Variants in PDS5B observed in about 807,000 individuals in gnomAD.
PDS5B encodes PDS5 cohesin associated factor B.
A neutral mutation model predicts 184.1 loss-of-function variants in PDS5B; 51 were observed. The ratio of observed to expected loss-of-function variants is 0.28; its 90% CI spans 0.22 to 0.35. PDS5B has a LOEUF of 0.35. Ranked by LOEUF, PDS5B falls within the 10% of genes least tolerant of loss-of-function variation. PDS5B has a pLI of 1.00. For synonymous variants in PDS5B, 566 were observed against 569.2 expected (o/e 0.99, Z 0.08); for missense variants, 1,180 against 1,723.3 (o/e 0.68, Z 5.58).
intron 1 of PDS5B, among the ~76,000 whole-genome samples, chr13:32,625,400 C>G (rs1202717056): frequency 1.3e-5 from 2 of 152,076 alleles, no homozygotes; most frequent in Admixed American, 6.5e-5. Context: ...TTTACATATA[C>G]AAATCTCTGC....
At chr13:32,604,660 C>T (rs1289183295) in intron 1 of PDS5B, among the ~76,000 whole-genome samples, 1 of 152,216 alleles carries the variant, frequency 6.6e-6, no homozygotes, top group Non-Finnish European at 1.5e-5. Context: ...ACCAGCTCCT[C>T]TTTGTACCTC....
At position 32,732,138 on chromosome 13, in the gene PDS5B, G is replaced by C; in HGVS notation, c.2161G>C (p.Gly721Arg). ...LPVLHHKSKK[G>R]PPRQAKYAIH... ...TGTTTTACATCACAAATCTAAAAAA[G>C]GACCCCCCCGTCAAGCCAAATATGC... The change falls in exon 20 of 35, where the codon GGA becomes CGA. Residue 721 changes from glycine (G) to arginine (R), a missense_variant. By Grantham distance (125) the Gly-to-Arg change is moderately radical (BLOSUM62 -2). Transcript: ENST00000315596. The C allele has an allele frequency of 6.2e-7, 1 of 1,609,278 alleles. No individual in the cohort carries two copies. Among genetic ancestry groups the C allele is most frequent in the Non-Finnish European group, 8.5e-7 (1 of 1,176,856 alleles).
rs1438016240 is a variant in PDS5B, at chr13:32,755,331, A to G, written c.2942-511A>G. 2.0e-5 allele frequency among the ~76,000 whole-genome samples: 3 copies of G among 152,182 alleles called. No homozygotes were observed. In the East Asian group the frequency reaches 5.8e-4, roughly 29 times the overall value. ...GCTGTTTCTTTATTTAAAATGCCCT[A>G]GAAACTCTTAAGTCTGTTCCTTTAT... is the stretch of plus-strand genomic sequence containing the variant. On this transcript the variant is annotated intron_variant, in intron 25 of 34. Coordinates refer to ENST00000315596, the MANE Select transcript of PDS5B (RefSeq NM_015032.4).
intron 13 of PDS5B, chr13:32,689,687 C>T (rs1445601447): frequency 1.3e-5 from 2 of 152,120 alleles, no homozygotes; most frequent in Admixed American, 1.3e-4. Flanking sequence ...TGCTTGGTTC[C>T]AAAGCTTGTT....
At position 32,758,345 on chromosome 13, in the gene PDS5B, G is replaced by T. The variant is rs528202562; in HGVS notation, c.3189+126G>T. The T allele has an allele frequency of 5.2e-6, 5 of 960,004 alleles. No individual in the cohort carries two copies. In the African/African-American group the frequency reaches 8.5e-5, roughly 16 times the overall value. The allele number at this position is 960,004 out of a possible 1,614,324, so 59.5% of individuals were successfully genotyped here. On this transcript the variant is annotated intron_variant, in intron 27 of 34. Transcript: ENST00000315596. The stretch of plus-strand genomic sequence containing the variant: ...TTTTTCTATTAGTAATTAGAATTAC[G>T]TAGAATTAGCAGTAATTTTATTACA...
At chr13:32,696,532 C>T (rs1011367564) in intron 14 of PDS5B, among the ~76,000 whole-genome samples, 1 of 151,546 alleles carries the variant, frequency 6.6e-6, no homozygotes, top group Non-Finnish European at 1.5e-5. Flanking sequence ...AGGAGTTTTC[C>T]CTGTTCTTTC....
chr13:32,686,557 GAA>G (rs766382477), intron 11 of PDS5B, among the ~76,000 whole-genome samples: 1 of 152,218 alleles, frequency 6.6e-6, no homozygotes, highest in Non-Finnish European at 1.5e-5. Context: ...GCTGAGGTGG[GAA>G]GATTGCTTGA....
intron 19 of PDS5B, among the ~76,000 whole-genome samples, chr13:32,729,799 C>G (rs985537136): frequency 2.7e-5 from 4 of 150,298 alleles, no homozygotes; most frequent in Non-Finnish European, 5.9e-5. Context: ...TTGTTTTTTT[C>G]TTGTAAATTC....
intron 33 of PDS5B, among the ~76,000 whole-genome samples, chr13:32,772,048 T>C (rs1954806903): frequency 6.6e-6 from 1 of 152,106 alleles, no homozygotes; most frequent in East Asian, 1.9e-4. Flanking sequence ...TACTAACATA[T>C]GTTAGGATTT....
chr13:32,659,120 TTG>T, intron 5 of PDS5B, 32 bp from the exon 6 acceptor site: 2 of 1,496,028 alleles, frequency 1.3e-6, no homozygotes, highest in Non-Finnish European at 1.8e-6. Context: ...TATATCTCAG[TTG>T]TAATTGAAAC....
chr13:32,672,914 C>T (rs778443718), intron 7 of PDS5B, among the ~76,000 whole-genome samples: 9 of 152,032 alleles, frequency 5.9e-5, no homozygotes, highest in Admixed American at 2.0e-4. Flanking sequence ...ATTAACCATC[C>T]AGAAATATGC....
At chr13:32,724,310 C>T (rs556003999) in intron 19 of PDS5B, among the ~76,000 whole-genome samples, 24 of 151,826 alleles carry the variant, frequency 1.6e-4, no homozygotes, top group Non-Finnish European at 3.1e-4. Context: ...GAGATGGAGT[C>T]TCTCATTATG....
intron 15 of PDS5B, among the ~76,000 whole-genome samples, chr13:32,697,384 C>T (rs1412644194): frequency 6.6e-6 from 1 of 152,136 alleles, no homozygotes; most frequent in Non-Finnish European, 1.5e-5. Context: ...TTCCTCCCAC[C>T]TCAGAGGTCA....
intron 19 of PDS5B, among the ~76,000 whole-genome samples, chr13:32,724,045 T>A (rs1185004405): frequency 1.3e-5 from 2 of 152,226 alleles, no homozygotes; most frequent in Non-Finnish European, 2.9e-5. Context: ...TGTCGTTTCA[T>A]CTGTATATCT....
chr13:32,682,134 C>G (rs754532827), intron 10 of PDS5B, among the ~76,000 whole-genome samples: 15 of 152,086 alleles, frequency 9.9e-5, no homozygotes, highest in Admixed American at 3.9e-4. Context: ...TCAGATTTAT[C>G]CATATTTTAG....
At chr13:32,641,691 A>G (rs1278430977) in intron 1 of PDS5B, among the ~76,000 whole-genome samples, 3 of 152,052 alleles carry the variant, frequency 2.0e-5, no homozygotes, top group African/African-American at 4.8e-5. Flanking sequence ...CACTATAGGT[A>G]TTTCATTAAG....
At chr13:32,710,686 C>G (rs1952177043) in intron 19 of PDS5B, among the ~76,000 whole-genome samples, 1 of 152,302 alleles carries the variant, frequency 6.6e-6, no homozygotes, top group East Asian at 1.9e-4. Context: ...ATGTATATCT[C>G]TTCTTCTAGT....
intron 7 of PDS5B, among the ~76,000 whole-genome samples, chr13:32,668,047 G>A (rs555585854): frequency 3.3e-5 from 5 of 151,992 alleles, no homozygotes; most frequent in African/African-American, 7.2e-5. Context: ...CATCCTATTT[G>A]TTCTTTTATC....
chr13:32,684,849 C>A (rs112129724), intron 11 of PDS5B, among the ~76,000 whole-genome samples: 25 of 152,242 alleles, frequency 1.6e-4, no homozygotes, highest in Non-Finnish European at 2.4e-4. Context: ...TGCAGTAGCT[C>A]ACATCTGTAA....
Sources: allele counts gnomAD v4.1 joint callset (sites outside exome capture counted in the v4.1 genomes callset), GRCh38; gene constraint gnomAD v4.1.1; transcripts MANE v1.5; gene names NCBI Gene and HGNC (gene_info 2026-07-23, HGNC 2026-07-21).